The following PWP1 variants were observed in gnomAD, a reference collection of about 807,000 sequenced individuals.
PWP1 encodes periodic tryptophan protein 1 homolog.
PWP1 carries 47 observed loss-of-function variants against 69.9 expected under a neutral mutation model. The ratio of observed to expected loss-of-function variants is 0.67; its 90% CI spans 0.53 to 0.86. PWP1 has a LOEUF of 0.86. Ranked by LOEUF, PWP1 falls within the 40% of genes least tolerant of loss-of-function variation. The probability of loss-of-function intolerance (pLI) is 0.00; values close to 1 mark genes in which losing one functional copy is unlikely to be tolerated. For synonymous variants in PWP1, 222 were observed against 208.2 expected (o/e 1.07, Z -0.57); for missense variants, 551 against 608.8 (o/e 0.91, Z 1.00).
At chr12:107,695,686 A>C (rs916902046) in intron 5 of PWP1, among the ~76,000 whole-genome samples, 1 of 152,236 alleles carries the variant, frequency 6.6e-6, no homozygotes, top group Admixed American at 6.5e-5. Flanking sequence ...TACATTGTTC[A>C]TCTTCATAAA....
At position 107,704,677 on chromosome 12, in the gene PWP1, A is replaced by G; in HGVS notation, c.1007A>G (p.His336Arg). 1.2e-6 allele frequency: 2 copies of G among 1,614,044 alleles called. No individual in the cohort carries two copies. Among genetic ancestry groups the G allele is most frequent in the Non-Finnish European group, 8.5e-7 (1 of 1,179,930 alleles). ...GACTGCCGAAGTCCAGATGAAAGCC[A>G]TCGAATGTGGCGATTCAGTGGGCAG... ...LYDCRSPDESHRMWRFSGQIE... is the reference protein window; with the variant it reads ...LYDCRSPDESRRMWRFSGQIE... The change falls in exon 11 of 15, where the codon CAT becomes CGT. Residue 336 changes from histidine to arginine, a missense_variant. His to Arg is a conservative substitution (Grantham distance 29). Transcript: ENST00000412830.
intron 3 of PWP1, 148 bp downstream of exon 3, chr12:107,688,950 C>G (rs1889429124): frequency 5.1e-6 from 4 of 789,236 alleles, no homozygotes; most frequent in Non-Finnish European, 7.9e-6. Flanking sequence ...CAGCATGATT[C>G]CTAAACTAGT....
intron 8 of PWP1, among the ~76,000 whole-genome samples, chr12:107,701,617 G>T (rs1889712906): frequency 6.6e-6 from 1 of 152,040 alleles, no homozygotes; most frequent in African/African-American, 2.4e-5. Context: ...TGTGTGTATG[G>T]TGTGAGGTAG....
At chr12:107,688,239 T>C (rs1172748771) in intron 1 of PWP1, among the ~76,000 whole-genome samples, 3 of 151,998 alleles carry the variant, frequency 2.0e-5, no homozygotes, top group Admixed American at 2.0e-4. Context: ...ATGAGCATGA[T>C]TTTTGAAGTT....
chr12:107,711,663 T>TATC (rs1273344634), intron 14 of PWP1, among the ~76,000 whole-genome samples: 3 of 152,142 alleles, frequency 2.0e-5, no homozygotes, highest in African/African-American at 4.8e-5. Flanking sequence ...ATAATATATA[T>TATC]ATCTCCCCAC....
Position 107,709,813 on chromosome 12 carries a change from GA to G in PWP1, c.1290+586del, listed in dbSNP as rs200858006. On this transcript the variant is annotated intron_variant, in intron 13 of 14. Coordinates refer to ENST00000412830, the MANE Select transcript of PWP1 (RefSeq NM_007062.3). ...TGAATAAATATATATAAATATAATGGAAAAACAGGTTACAGAAGCAATTTTT... is the reference window on the plus strand; with the variant it reads ...TGAATAAATATATATAAATATAATGGAAAACAGGTTACAGAAGCAATTTTT... 7.0e-3 allele frequency among the ~76,000 whole-genome samples: 1,070 copies of G among 151,988 alleles called. 14 individuals are homozygous for G. The highest frequency in any genetic ancestry group is 0.024 in the African/African-American group (989 of 41,442).
At chr12:107,707,965 T>C (rs1300311646) in intron 11 of PWP1, among the ~76,000 whole-genome samples, 1 of 152,180 alleles carries the variant, frequency 6.6e-6, no homozygotes, top group East Asian at 1.9e-4. Flanking sequence ...TCTCAAAAGA[T>C]GTGGACAATT....
intron 1 of PWP1, among the ~76,000 whole-genome samples, chr12:107,688,030 CAAAAAAAAAAAAAAA>C (rs56255249): frequency 0.01 from 381 of 37,650 alleles, 12 homozygotes; most frequent in African/African-American, 0.039. Flanking sequence ...GACTCCGTCT[CAAAAAAAAAAAAAAA>C]AAAAAAAAAA....
chr12:107,701,282 C>G (rs1384897781), intron 8 of PWP1, among the ~76,000 whole-genome samples: 2 of 152,104 alleles, frequency 1.3e-5, no homozygotes, highest in Non-Finnish European at 2.9e-5. Flanking sequence ...CATGAGCCAC[C>G]AAGCCTGGCC....
At chr12:107,696,370 G>A in intron 5 of PWP1, 104 bp from the exon 6 acceptor site, 4 of 1,461,088 alleles carry the variant, frequency 2.7e-6, no homozygotes, top group Non-Finnish European at 3.6e-6. Flanking sequence ...TCACTTTAAA[G>A]CACATGGCTC....
Position 107,709,191 on chromosome 12 carries a change from G to A in PWP1, c.1249G>A (p.Gly417Arg). Residue 417 changes from glycine (G) to arginine (R), a missense_variant, in exon 13 of 15, where the codon GGA becomes AGA. Coordinates refer to ENST00000412830, the MANE Select transcript of PWP1 (RefSeq NM_007062.3). ...DKYVKIWDIL[G>R]DRPSLVHSRD... ...ATACGTGAAGATCTGGGACATCTTA[G>A]GAGATAGGCCAAGTCTAGTTCATTC... The A allele has an allele frequency of 6.2e-7, 1 of 1,613,920 alleles. No homozygotes were observed. Among genetic ancestry groups the A allele is most frequent in the Non-Finnish European group, 8.5e-7 (1 of 1,179,844 alleles).
chr12:107,711,855 T>C (rs966233462), intron 14 of PWP1, among the ~76,000 whole-genome samples: 2 of 152,098 alleles, frequency 1.3e-5, no homozygotes, highest in African/African-American at 2.4e-5. Context: ...GGGTCACTTA[T>C]AAGGAATGGG....
rs772484426 is a variant in PWP1, at chr12:107,709,099, A to G, written c.1169-12A>G. 1 of 1,613,902 alleles carries G rather than the reference A, an allele frequency of 6.2e-7. No individual in the cohort carries two copies. Among genetic ancestry groups the G allele is most frequent in the South Asian group, 1.1e-5 (1 of 91,076 alleles). ...TTTCAAAGCGAAAGTGTCTAAACTT[A>G]TCTTCCTTTAGGTCTTGATCTTAGC... On this transcript the variant is annotated splice_polypyrimidine_tract_variant and intron_variant, in intron 12 of 14. Transcript: ENST00000412830.
At position 107,703,662 on chromosome 12, in the gene PWP1, G is replaced by C; in HGVS notation, c.904-23G>C. 1.9e-6 allele frequency: 3 copies of C among 1,576,054 alleles called. No homozygotes were observed. In the South Asian group the frequency reaches 3.3e-5, roughly 17 times the overall value. The stretch of plus-strand genomic sequence containing the variant: ...GAAAAGCAAACCAACAGAGATCTCT[G>C]CATTTATGTTTCCTCCCTTTAGGTC... On this transcript the variant is annotated intron_variant, in intron 9 of 14. Transcript: ENST00000412830.
chr12:107,689,096 G>A (rs1889432182), intron 3 of PWP1, among the ~76,000 whole-genome samples: 1 of 152,086 alleles, frequency 6.6e-6, no homozygotes, highest in African/African-American at 2.4e-5. Flanking sequence ...ATAATGCTAT[G>A]GTGTGCTTGA....
chr12:107,694,018 G>A (rs1457888021), intron 5 of PWP1, among the ~76,000 whole-genome samples: 2 of 152,136 alleles, frequency 1.3e-5, no homozygotes, highest in East Asian at 1.9e-4. Flanking sequence ...AGCCAGAAGC[G>A]GATGCTTTGC....
Position 107,697,589 on chromosome 12 carries a change from G to T in PWP1, c.736G>T (p.Gly246Ter). 6.2e-7 allele frequency: 1 copy of T among 1,601,370 alleles called. No homozygotes were observed. The highest frequency in any genetic ancestry group is 8.5e-7 in the Non-Finnish European group (1 of 1,175,890). Residue 246 changes from glycine (G) to a stop codon, truncating the protein, a stop_gained, in exon 7 of 15, where the codon GGA becomes TGA. Coordinates refer to ENST00000412830, the MANE Select transcript of PWP1 (RefSeq NM_007062.3). LOFTEE classifies it high-confidence loss of function. ...ACTTTCAAAAAAGAAGAAAAAGAAAGGAAAGAAGGTAAAGAAGTTAATAAA... is the reference window on the plus strand; with the variant it reads ...ACTTTCAAAAAAGAAGAAAAAGAAATGAAAGAAGGTAAAGAAGTTAATAAA... ...SKLSKKKKKKGKKSSSAEGHT... is the reference protein window; with the variant it reads ...SKLSKKKKKK
chr12:107,695,845 G>C (rs1007075259), intron 5 of PWP1, among the ~76,000 whole-genome samples: 4 of 152,104 alleles, frequency 2.6e-5, no homozygotes, highest in Non-Finnish European at 5.9e-5. Flanking sequence ...ACTTCTTGTA[G>C]TTATGAACAT....
chr12:107,697,215 C>A (rs757229494), intron 6 of PWP1, among the ~76,000 whole-genome samples: 19 of 152,100 alleles, frequency 1.2e-4, no homozygotes, highest in Admixed American at 5.2e-4. Flanking sequence ...TTGAGCCTTT[C>A]CTACTCAAAT....
Sources: allele counts gnomAD v4.1 joint callset (sites outside exome capture counted in the v4.1 genomes callset), GRCh38; gene constraint gnomAD v4.1.1; transcripts MANE v1.5; gene names NCBI Gene and HGNC (gene_info 2026-07-23, HGNC 2026-07-21).